The following DHX36 variants were observed in gnomAD, a reference collection of about 807,000 sequenced individuals.
DHX36 encodes the protein DEAH-box helicase 36.
Under a neutral mutation model 139.0 loss-of-function variants are expected in DHX36, and 50 were observed. The observed-to-expected ratio is 0.36, with a 90% CI of 0.29 to 0.46. DHX36 has a LOEUF of 0.46. Among genes scored for constraint, DHX36 ranks in the 20% least tolerant of loss-of-function variants. The pLI is 1.00. For synonymous variants in DHX36, 425 were observed against 401.9 expected, an observed-to-expected ratio of 1.06 and a Z score of -0.69; for missense variants, 1,024 against 1,211.3, an observed-to-expected ratio of 0.85 and a Z score of 2.29.
At position 154,288,957 on chromosome 3, in the gene DHX36, C is replaced by A; in HGVS notation, c.1940G>T (p.Arg647Met). 2 of 1,545,580 alleles carry A rather than the reference C, an allele frequency of 1.3e-6. No homozygotes were observed. The highest frequency in any genetic ancestry group is 2.7e-5 in the African/African-American group (2 of 73,150). ...EELCLQIKIL[R>M]LGGIAYFLSR... ...CAGAAAATAAGCAATTCCACCTAGC[C>A]TTAAAATCTAAGTGGGGGAGACAAA... The change falls in exon 17 of 25, where the codon AGG becomes ATG. Residue 647 changes from arginine (R) to methionine (M), a missense_variant. Around this residue, in one of 4 missense-constraint regions of DHX36, gnomAD observed 470 missense variants for 616.2 expected, o/e 0.76. Transcript: ENST00000496811.
chr3:154,313,232 T>C (rs777625413), intron 3 of DHX36, among the ~76,000 whole-genome samples: 7 of 152,122 alleles, frequency 4.6e-5, no homozygotes, highest in Non-Finnish European at 1.0e-4. Flanking sequence ...GCTTTATACA[T>C]GTAAATGCCA....
chr3:154,284,253 C>T (rs1364861925), intron 19 of DHX36, among the ~76,000 whole-genome samples: 1 of 152,036 alleles, frequency 6.6e-6, no homozygotes. Context: ...GATTTCAGCT[C>T]ACTGCAACCA....
intron 1 of DHX36, among the ~76,000 whole-genome samples, chr3:154,316,485 G>T (rs1024555374): frequency 1.3e-5 from 2 of 151,890 alleles, no homozygotes; most frequent in African/African-American, 2.4e-5. Context: ...TAATTATTAT[G>T]AATTTCTCCT....
intron 23 of DHX36, among the ~76,000 whole-genome samples, chr3:154,277,272 TA>T (rs1719179933): frequency 6.6e-6 from 1 of 152,142 alleles, no homozygotes; most frequent in South Asian, 2.1e-4. Flanking sequence ...ACAATACTTA[TA>T]AGGTATACTG....
chr3:154,285,576 G>A (rs1553757014), intron 17 of DHX36, among the ~76,000 whole-genome samples: 1 of 152,126 alleles, frequency 6.6e-6, no homozygotes, highest in Non-Finnish European at 1.5e-5. Flanking sequence ...TGAGTGCAGA[G>A]GTTGGGGCCT....
chr3:154,294,407 A>C (rs554801963), intron 13 of DHX36, among the ~76,000 whole-genome samples: 1 of 152,332 alleles, frequency 6.6e-6, no homozygotes, highest in Non-Finnish European at 1.5e-5. Flanking sequence ...AAAAAGCAAA[A>C]ACTTATCCCT....
intron 19 of DHX36, among the ~76,000 whole-genome samples, chr3:154,283,637 G>A (rs1455338198): frequency 2.0e-5 from 3 of 150,726 alleles, no homozygotes; most frequent in African/African-American, 7.3e-5. Context: ...TTTCTTTATA[G>A]TTTGCTTTTT....
At chr3:154,285,084 T>A in intron 17 of DHX36, 97 bp from the exon 18 acceptor site, 1 of 1,282,614 alleles carries the variant, frequency 7.8e-7, no homozygotes, top group South Asian at 1.4e-5. Context: ...GCCACTACTC[T>A]CTCTTCTAAG....
chr3:154,299,824 C>T lies in DHX36; in HGVS notation c.1549+14G>A, dbSNP rs1342945222. ...CCACTCTTTGAATTACAGTAAAATA[C>T]ATTTACATAGTACCTGATTTAAACA... On this transcript the variant is annotated intron_variant, in intron 12 of 24. Transcript: ENST00000496811. 6.4e-7 allele frequency: 1 copy of T among 1,557,048 alleles called. No individual in the cohort carries two copies. The highest frequency in any genetic ancestry group is 1.1e-5 in the South Asian group (1 of 89,804).
chr3:154,290,811 A>T (rs960392732), intron 15 of DHX36, among the ~76,000 whole-genome samples: 2 of 151,908 alleles, frequency 1.3e-5, no homozygotes, highest in South Asian at 2.1e-4. Flanking sequence ...ATATACCTCA[A>T]TATCTCTCCA....
In DHX36 at chr3:154,284,929, G is replaced by A. The variant is rs766960645; in HGVS notation, c.2090C>T (p.Pro697Leu). 2 of 1,614,116 alleles carry A rather than the reference G, an allele frequency of 1.2e-6. No homozygotes were observed. Among genetic ancestry groups the A allele is most frequent in the East Asian group, 4.5e-5 (2 of 44,872 alleles). The stretch of plus-strand genomic sequence containing the variant: ...CATTTTTCCAATATGTGGCTCAACG[G>A]GTAATCGTGCCAAGTGGACTCCAAG... The part of the protein sequence containing the change: ...TPLGVHLARL[P>L]VEPHIGKMIL... The change falls in exon 18 of 25, where the codon CCC (proline) becomes CTC (leucine). Residue 697 changes from proline to leucine, a missense_variant. This residue lies in a region of DHX36 where 470 missense variants were observed against 616.2 expected (regional missense o/e 0.76). Coordinates refer to ENST00000496811, the MANE Select transcript of DHX36 (RefSeq NM_020865.3).
At chr3:154,306,154 G>T in intron 6 of DHX36, 62 bp downstream of exon 6, 1 of 1,216,192 alleles carries the variant, frequency 8.2e-7, no homozygotes, top group South Asian at 1.2e-5. Context: ...CCTTTCTTTT[G>T]AATCTCCAGC....
intron 5 of DHX36, among the ~76,000 whole-genome samples, chr3:154,308,986 G>A (rs558737782): frequency 2.6e-5 from 4 of 152,090 alleles, no homozygotes; most frequent in Non-Finnish European, 5.9e-5. Flanking sequence ...CCAGTAGTTC[G>A]AGACCAGCAT....
chr3:154,301,097 G>A lies in DHX36; in HGVS notation c.1248C>T (p.Ser416=), dbSNP rs1478613343. Residue 416 remains serine (S), a synonymous_variant, in exon 10 of 25, where the codon TCC becomes TCT. Transcript: ENST00000496811. ...RYVPEQKEHR[S]QFKRGFMQGH... ...CTTGCATGAAACCCCTCTTAAACTG[G>A]GATCTGTGTTCTTTTTGTTCTGGAA... 1 of 1,605,860 alleles carries A rather than the reference G, an allele frequency of 6.2e-7. No individual in the cohort carries two copies. Among genetic ancestry groups the A allele is most frequent in the Non-Finnish European group, 8.5e-7 (1 of 1,178,052 alleles).
At chr3:154,305,610 T>C (rs1010784339) in intron 6 of DHX36, among the ~76,000 whole-genome samples, 2 of 151,844 alleles carry the variant, frequency 1.3e-5, no homozygotes, top group East Asian at 2.0e-4. Context: ...GCTCGAAAAG[T>C]AAAAAAATTA....
Position 154,272,867 on chromosome 3 carries a change from A to G in DHX36, c.*3304T>C, listed in dbSNP as rs1451038933. 3.3e-5 allele frequency: 5 copies of G among 152,242 alleles called. No homozygotes were observed. The East Asian group carries it at 7.7e-4, about 24-fold the overall frequency. 9.4% of individuals were successfully genotyped at this position (152,242 alleles called of 1,614,324 possible). A position where few individuals can be genotyped will look rare whatever the true frequency, so the allele number is the denominator to read the frequency against. ...CTAAAATTCCTCCTAAAGCTTTTGT[A>G]TAATTCATAACTTTTAGGGGAGGAC... On this transcript the variant is annotated 3_prime_UTR_variant, in exon 25 of 25. Transcript: ENST00000496811.
At chr3:154,292,756 CACACAT>C in intron 14 of DHX36, 62 bp from the exon 15 acceptor site, 3 of 1,249,990 alleles carry the variant, frequency 2.4e-6, no homozygotes, top group Admixed American at 2.1e-5. Context: ...CACACACACA[CACACAT>C]CGAAAGCACT....
chr3:154,300,457 A>G (rs1319300707), intron 11 of DHX36, 137 bp downstream of exon 11: 1 of 675,476 alleles, frequency 1.5e-6, no homozygotes, highest in African/African-American at 1.8e-5. Context: ...TTTTGCTACT[A>G]TGAGATGATT....
In DHX36 at chr3:154,304,855, T is replaced by A. The variant is rs184997424; in HGVS notation, c.1086A>T (p.Val362=). 2.0e-5 allele frequency: 32 copies of A among 1,607,146 alleles called. No individual in the cohort carries two copies. Among genetic ancestry groups the A allele is most frequent in the Middle Eastern group, 3.4e-4 (2 of 5,968 alleles). ...CATTCAATGTTGCACTCATCAATAT[T>A]ACTTTCAAGTCAGATCGAAAATTGA... ...DLLNFRSDLK[V]ILMSATLNAE... Residue 362 remains valine, a synonymous_variant, in exon 8 of 25, where the codon GTA becomes GTT. Coordinates refer to ENST00000496811, the MANE Select transcript of DHX36 (RefSeq NM_020865.3).
Sources: allele counts gnomAD v4.1 joint callset (sites outside exome capture counted in the v4.1 genomes callset), GRCh38; gene constraint gnomAD v4.1.1; regional missense constraint gnomAD v4.1.1; transcripts MANE v1.5; gene names NCBI Gene and HGNC (gene_info 2026-07-23, HGNC 2026-07-21).